SUCLG1: variants seen among roughly 807,000 people sequenced by gnomAD.
SUCLG1 encodes the protein succinate-CoA ligase GDP/ADP-forming subunit alpha, also known as succinate--CoA ligase [ADP/GDP-forming] subunit alpha, mitochondrial.
In SUCLG1, 26 loss-of-function variants were observed where a neutral mutation model predicts 37.3. The observed-to-expected ratio is 0.70, with a 90% CI of 0.51 to 0.97. The LOEUF is 0.97. SUCLG1 is among the 50% of genes least tolerant of loss of function. SUCLG1 has a pLI of 0.00. For synonymous variants in SUCLG1, 163 were observed against 155.6 expected, an observed-to-expected ratio of 1.05 and a Z score of -0.36; for missense variants, 433 against 432.9, an observed-to-expected ratio of 1.00 and a Z score of 0.00.
intron 5 of SUCLG1, among the ~76,000 whole-genome samples, chr2:84,439,236 C>G (rs948166902): frequency 6.6e-5 from 10 of 151,812 alleles, no homozygotes; most frequent in African/African-American, 2.4e-4. Context: ...AAGCAGTCTC[C>G]CAGACGACTG....
chr2:84,449,822 A>C lies in SUCLG1; in HGVS notation c.98-70T>G. 5 of 1,282,392 alleles carry C rather than the reference A, an allele frequency of 3.9e-6. No individual in the cohort carries two copies. The South Asian group carries it at 6.8e-5, about 17-fold the overall frequency. 79.4% of individuals were successfully genotyped at this position (1,282,392 alleles called of 1,614,324 possible). On this transcript the variant is annotated intron_variant, in intron 1 of 8. Transcript: ENST00000393868. ...TAATTTTTCTAAACTTTTGAACAAT[A>C]ATTCAACTTGATCACAAAAAAAAAA...
intron 1 of SUCLG1, among the ~76,000 whole-genome samples, chr2:84,455,265 C>T (rs890753457): frequency 3.3e-5 from 5 of 152,084 alleles, no homozygotes; most frequent in African/African-American, 4.8e-5. Context: ...AAAAATGAGG[C>T]GGGCGGATCA....
intron 1 of SUCLG1, among the ~76,000 whole-genome samples, chr2:84,453,477 C>T (rs955191934): frequency 6.6e-6 from 1 of 151,764 alleles, no homozygotes; most frequent in Non-Finnish European, 1.5e-5. Flanking sequence ...TGCAGTGGCA[C>T]GATCCCGGCT....
chr2:84,456,303 G>A (rs1673019281), intron 1 of SUCLG1, among the ~76,000 whole-genome samples: 1 of 152,168 alleles, frequency 6.6e-6, no homozygotes, highest in African/African-American at 2.4e-5. Flanking sequence ...AAAGGATACT[G>A]CAGAGTCAGA....
rs1361184240 is a variant in SUCLG1 at position 84,441,240 on chromosome 2, C to T, written c.531+7G>A. On this transcript the variant is annotated splice_region_variant and intron_variant, in intron 4 of 8. Coordinates refer to ENST00000393868, the MANE Select transcript of SUCLG1 (RefSeq NM_003849.4). The stretch of plus-strand genomic sequence containing the variant: ...ATCTGAGTTTCTTTTTGTTTTTTTG[C>T]ACTCACATTGATGACTCCAGGGCAG... 7 of 1,613,798 alleles carry T rather than the reference C, an allele frequency of 4.3e-6. No homozygotes were observed. The highest frequency in any genetic ancestry group is 5.9e-6 in the Non-Finnish European group (7 of 1,179,982).
chr2:84,457,799 G>C (rs977215405), intron 1 of SUCLG1, among the ~76,000 whole-genome samples: 1 of 152,046 alleles, frequency 6.6e-6, no homozygotes, highest in Non-Finnish European at 1.5e-5. Flanking sequence ...ATTGACCTGA[G>C]TGATTACTGG....
chr2:84,441,297 G>T lies in SUCLG1; in HGVS notation c.481C>A (p.Arg161Ser). The T allele has an allele frequency of 1.2e-6, 2 of 1,613,994 alleles. No homozygotes were observed. Among genetic ancestry groups the T allele is most frequent in the Non-Finnish European group, 1.7e-6 (2 of 1,180,012 alleles). ...DMVRVKHKLL[R>S]QEKTRLIGPN... ...CCAATTAGCCTTGTCTTTTCCTGGCGCAGCAGTTTGTGCTTGACTCGTACC... is the reference window on the plus strand; with the variant it reads ...CCAATTAGCCTTGTCTTTTCCTGGCTCAGCAGTTTGTGCTTGACTCGTACC... The change falls in exon 4 of 9, where the codon CGC becomes AGC. Residue 161 changes from arginine (R) to serine (S), a missense_variant. Coordinates refer to ENST00000393868, the MANE Select transcript of SUCLG1 (RefSeq NM_003849.4).
chr2:84,453,421 A>AT (rs138323590), intron 1 of SUCLG1, among the ~76,000 whole-genome samples: 120,853 of 150,330 alleles, frequency 0.8, 51,251 homozygotes, highest in Non-Finnish European at 0.93. Context: ...AAGTATTATT[A>AT]TTATTTTTTT....
intron 5 of SUCLG1, among the ~76,000 whole-genome samples, chr2:84,438,217 AG>A (rs113334748): frequency 3.1e-4 from 47 of 152,316 alleles, no homozygotes; most frequent in African/African-American, 1.1e-3. Context: ...AACTGGATAA[AG>A]GGTGATCTGT....
At chr2:84,455,102 A>G (rs1479039882) in intron 1 of SUCLG1, among the ~76,000 whole-genome samples, 2 of 152,202 alleles carry the variant, frequency 1.3e-5, no homozygotes, top group African/African-American at 4.8e-5. Context: ...ACTTACCCCT[A>G]AACTCCAAAC....
chr2:84,450,450 C>A (rs928804311), intron 1 of SUCLG1, among the ~76,000 whole-genome samples: 6 of 147,996 alleles, frequency 4.1e-5, no homozygotes, highest in Admixed American at 1.3e-4. Flanking sequence ...ATTGCAGCAA[C>A]CTACCTAAAA....
intron 1 of SUCLG1, among the ~76,000 whole-genome samples, chr2:84,457,724 A>G (rs1057312970): frequency 6.6e-6 from 1 of 152,124 alleles, no homozygotes. Context: ...CTAACCCACT[A>G]TCTATTCAAA....
chr2:84,440,509 TACTTG>T (rs1376369070), intron 5 of SUCLG1, among the ~76,000 whole-genome samples: 11 of 152,360 alleles, frequency 7.2e-5, no homozygotes, highest in African/African-American at 1.7e-4. Flanking sequence ...AAGTTAAATA[TACTTG>T]ACTTATGTTC....
chr2:84,424,667 T>G (rs1672505443), intron 8 of SUCLG1, among the ~76,000 whole-genome samples: 1 of 152,202 alleles, frequency 6.6e-6, no homozygotes, highest in Non-Finnish European at 1.5e-5. Flanking sequence ...GGAGATTTTT[T>G]GTTGTTTTTT....
chr2:84,425,146 A>G (rs1207012138), intron 8 of SUCLG1, among the ~76,000 whole-genome samples: 1 of 152,250 alleles, frequency 6.6e-6, no homozygotes, highest in African/African-American at 2.4e-5. Flanking sequence ...ACGATCTTCA[A>G]GATGCTTTTT....
At chr2:84,426,274 GT>G (rs1455965003) in intron 7 of SUCLG1, 1 of 147,206 alleles carries the variant, frequency 6.8e-6, no homozygotes, top group Non-Finnish European at 1.5e-5. Context: ...AGATTCTGAG[GT>G]TTAAAAAAAA....
Position 84,425,566 on chromosome 2 carries a change from C to T in SUCLG1, c.863G>A (p.Gly288Asp), listed in dbSNP as rs753448791. Reference sequence around the variant, plus strand: ...TCTTCTCCCAGGAGGAGCAGTTAAACCAGCAATGAAGGACACTACAGGCTT... The same window carrying T: ...TCTTCTCCCAGGAGGAGCAGTTAAATCAGCAATGAAGGACACTACAGGCTT... The part of the protein sequence containing the change: ...NSKPVVSFIA[G>D]LTAPPGRRMG... Residue 288 changes from glycine (G) to aspartate (D), a missense_variant, in exon 8 of 9, where the codon GGT becomes GAT. Gly to Asp is a moderately conservative substitution (Grantham distance 94). Transcript: ENST00000393868. The T allele has an allele frequency of 1.1e-5, 18 of 1,614,198 alleles. No homozygotes were observed. Among genetic ancestry groups the T allele is most frequent in the Non-Finnish European group, 1.5e-5 (18 of 1,180,042 alleles).
chr2:84,454,714 G>C (rs754105121), intron 1 of SUCLG1, among the ~76,000 whole-genome samples: 45 of 152,180 alleles, frequency 3.0e-4, no homozygotes, highest in Admixed American at 1.4e-3. Context: ...TTTCAACAGG[G>C]GTGATAGATT....
chr2:84,425,946 G>T, intron 7 of SUCLG1: 1 of 343,628 alleles, frequency 2.9e-6, no homozygotes, highest in South Asian at 2.5e-5. Flanking sequence ...ACACAAGACT[G>T]GGTTGCTTTA....
Sources: gnomAD v4.1 joint callset for allele counts (sites outside exome capture counted in the v4.1 genomes callset) on GRCh38, gnomAD v4.1.1 for gene constraint, MANE v1.5 for transcripts, NCBI Gene and HGNC (gene_info 2026-07-23, HGNC 2026-07-21) for gene names.